The following SNX29 variants were observed in gnomAD, a reference collection of about 807,000 sequenced individuals.
The protein encoded by SNX29 is sorting nexin 29.
Under a neutral mutation model 102.1 loss-of-function variants are expected in SNX29, and 78 were observed. The observed-to-expected ratio is 0.76, with a 90% confidence interval of 0.64 to 0.92. SNX29 has a LOEUF of 0.92. Among genes scored for constraint, SNX29 ranks in the 40% least tolerant of loss-of-function variants. The pLI, the probability that SNX29 is intolerant of heterozygous loss-of-function variation, is 0.00. For missense variants in SNX29, 1,280 were observed against 1,061.7 expected, an observed-to-expected ratio of 1.21 and a Z score of -2.86; for synonymous variants, 580 against 414.5, an observed-to-expected ratio of 1.40 and a Z score of -4.85.
chr16:12,121,597 C>G (rs2053975890), intron 11 of SNX29, among the ~76,000 whole-genome samples: 1 of 152,180 alleles, frequency 6.6e-6, no homozygotes, highest in Non-Finnish European at 1.5e-5. Context: ...TGCCGCTTTG[C>G]CAGACTCGGC....
Position 12,539,052 on chromosome 16 carries a change from C to G in SNX29, c.2318+14211C>G, listed in dbSNP as rs563229577. On this transcript the variant is annotated intron_variant, in intron 20 of 20. Coordinates refer to ENST00000566228, the MANE Select transcript of SNX29 (RefSeq NM_032167.5). ...CAGAATGGGGCCCAGAAAGACATCA[C>G]TGTGTATTCTGGGATAGGGCCAAGT... 2.6e-5 allele frequency among the ~76,000 whole-genome samples: 4 copies of G among 152,314 alleles called. No individual in the cohort carries two copies. In the East Asian group the frequency reaches 5.8e-4, roughly 22 times the overall value.
intron 20 of SNX29, among the ~76,000 whole-genome samples, chr16:12,538,489 A>G (rs560766105): frequency 6.6e-6 from 1 of 152,288 alleles, no homozygotes; most frequent in African/African-American, 2.4e-5. Flanking sequence ...TGTAACATAC[A>G]TCTATGATAC....
At chr16:12,252,101 C>A (rs1371163933) in intron 14 of SNX29, among the ~76,000 whole-genome samples, 1 of 152,190 alleles carries the variant, frequency 6.6e-6, no homozygotes, top group Non-Finnish European at 1.5e-5. Flanking sequence ...AGTATTCTCC[C>A]AAGCCCAGTT....
intron 16 of SNX29, among the ~76,000 whole-genome samples, chr16:12,387,434 C>A (rs1597190034): frequency 6.6e-6 from 1 of 152,028 alleles, no homozygotes; most frequent in Non-Finnish European, 1.5e-5. Flanking sequence ...GAACAGGTTC[C>A]CATCCAAGCT....
At chr16:12,499,094 G>A (rs1432319160) in intron 19 of SNX29, among the ~76,000 whole-genome samples, 3 of 152,030 alleles carry the variant, frequency 2.0e-5, no homozygotes, top group Non-Finnish European at 4.4e-5. Context: ...TATGCCCTCC[G>A]CTCATTCCCT....
At chr16:12,523,001 T>G (rs1335509584) in intron 19 of SNX29, among the ~76,000 whole-genome samples, 1 of 152,170 alleles carries the variant, frequency 6.6e-6, no homozygotes. Flanking sequence ...TTATAGAGAT[T>G]GGGCCTTGTT....
At chr16:12,267,881 C>T (rs2078975252) in intron 14 of SNX29, among the ~76,000 whole-genome samples, 1 of 152,122 alleles carries the variant, frequency 6.6e-6, no homozygotes, top group South Asian at 2.1e-4. Context: ...AATAAAATAC[C>T]ATAGCCTGCA....
intron 19 of SNX29, among the ~76,000 whole-genome samples, chr16:12,520,226 C>CCCTGCA (rs2090045548): frequency 6.6e-6 from 1 of 152,140 alleles, no homozygotes; most frequent in Non-Finnish European, 1.5e-5. Context: ...CCCCACCTGC[C>CCCTGCA]CCTGCACCCA....
chr16:12,005,378 A>AGT, intron 3 of SNX29, among the ~76,000 whole-genome samples: 1 of 151,946 alleles, frequency 6.6e-6, no homozygotes, highest in Non-Finnish European at 1.5e-5. Flanking sequence ...TATGTGCATG[A>AGT]GTGTGTGTGT....
chr16:12,087,813 T>C (rs138882402), intron 11 of SNX29: 1 of 456,520 alleles, frequency 2.2e-6, no homozygotes, highest in African/African-American at 2.0e-5. Flanking sequence ...CATATCCAGC[T>C]GTATCCTCTT....
At chr16:12,282,441 A>G (rs143390798) in intron 15 of SNX29, among the ~76,000 whole-genome samples, 26 of 152,302 alleles carry the variant, frequency 1.7e-4, no homozygotes, top group Admixed American at 1.1e-3. Flanking sequence ...CAGCAGAGTG[A>G]GAGTTCCTCG....
chr16:12,095,237 T>C (rs1284193381), intron 11 of SNX29: 1 of 152,224 alleles, frequency 6.6e-6, no homozygotes, highest in Non-Finnish European at 1.5e-5. Context: ...ACCTCCTTTT[T>C]AACAACAAAG....
chr16:12,442,076 G>A (rs2085833204), intron 18 of SNX29, among the ~76,000 whole-genome samples: 1 of 152,110 alleles, frequency 6.6e-6, no homozygotes, highest in South Asian at 2.1e-4. Context: ...CACCACGCCT[G>A]GCTTTGACTT....
At chr16:12,422,269 C>G (rs75213095) in intron 18 of SNX29, among the ~76,000 whole-genome samples, 1 of 152,112 alleles carries the variant, frequency 6.6e-6, no homozygotes, top group African/African-American at 2.4e-5. Flanking sequence ...CATCTGCAAA[C>G]AGAGATGAAA....
chr16:12,192,060 G>A (rs1344740972), intron 13 of SNX29, among the ~76,000 whole-genome samples: 2 of 152,218 alleles, frequency 1.3e-5, no homozygotes, highest in South Asian at 2.1e-4. Context: ...TACCAGGTTC[G>A]TTAGTTTTGT....
At chr16:12,506,556 T>G (rs1313470236) in intron 19 of SNX29, among the ~76,000 whole-genome samples, 1 of 152,218 alleles carries the variant, frequency 6.6e-6, no homozygotes, top group Non-Finnish European at 1.5e-5. Context: ...ACGGAGGGAA[T>G]AGCATCAGAC....
At chr16:12,233,227 G>A (rs928247637) in intron 14 of SNX29, among the ~76,000 whole-genome samples, 3 of 152,124 alleles carry the variant, frequency 2.0e-5, no homozygotes, top group Admixed American at 2.0e-4. Context: ...AGAAAATGTG[G>A]TACATATACA....
At chr16:12,536,538 G>A (rs1422889329) in intron 20 of SNX29, among the ~76,000 whole-genome samples, 1 of 152,146 alleles carries the variant, frequency 6.6e-6, no homozygotes, top group East Asian at 1.9e-4. Flanking sequence ...TCTGTAAAAT[G>A]GGACTAATTA....
At chr16:12,323,385 C>G (rs958666887) in intron 15 of SNX29, among the ~76,000 whole-genome samples, 4 of 152,018 alleles carry the variant, frequency 2.6e-5, no homozygotes, top group African/African-American at 9.7e-5. Flanking sequence ...CACTTTTTAC[C>G]TAAAGTAAAC....
Sources: allele counts gnomAD v4.1 joint callset (sites outside exome capture counted in the v4.1 genomes callset), GRCh38; gene constraint gnomAD v4.1.1; transcripts MANE v1.5; gene names NCBI Gene and HGNC (gene_info 2026-07-23, HGNC 2026-07-21).